Variants in TMEM72 observed in about 807,000 individuals in gnomAD.
TMEM72 encodes transmembrane protein 72.
In TMEM72, 9 loss-of-function variants were observed where a neutral mutation model predicts 16.3. The ratio of observed to expected loss-of-function variants is 0.55; its 90% confidence interval spans 0.33 to 0.96. The LOEUF (loss-of-function observed/expected upper bound fraction) is 0.96, where lower values mean the gene tolerates loss of function less well. TMEM72 is among the 40% of genes least tolerant of loss of function. The probability of loss-of-function intolerance (pLI) is 0.03; values close to 1 mark genes in which losing one functional copy is unlikely to be tolerated. For missense variants in TMEM72, 324 were observed against 337.8 expected (o/e 0.96, Z 0.32); for synonymous variants, 160 against 146.5 (o/e 1.09, Z -0.66).
intron 3 of TMEM72, among the ~76,000 whole-genome samples, chr10:44,932,984 C>T (rs1016744524): frequency 3.3e-5 from 5 of 152,202 alleles, no homozygotes; most frequent in Admixed American, 6.5e-5. Flanking sequence ...CAGGATGTGG[C>T]TGTGTAGAGC....
At chr10:44,918,921 T>C (rs6593450) in intron 1 of TMEM72, among the ~76,000 whole-genome samples, 118,907 of 152,000 alleles carry the variant, frequency 0.78, 47,275 homozygotes, top group African/African-American at 0.88. Context: ...TCTGCCAGCA[T>C]CTTGATCTTG....
chr10:44,912,246 C>A (rs771808863), intron 1 of TMEM72, among the ~76,000 whole-genome samples: 1 of 152,198 alleles, frequency 6.6e-6, no homozygotes, highest in Non-Finnish European at 1.5e-5. Context: ...AATCACAGGG[C>A]TGCTCAACTG....
At chr10:44,924,496 G>A (rs1840153124) in intron 1 of TMEM72, among the ~76,000 whole-genome samples, 1 of 150,870 alleles carries the variant, frequency 6.6e-6, no homozygotes, top group South Asian at 2.1e-4. Context: ...CAGAAGACCA[G>A]GTGGGCCTCG....
At chr10:44,911,628 C>G (rs1839939351) in intron 1 of TMEM72, 46 bp downstream of exon 1, 1 of 1,543,136 alleles carries the variant, frequency 6.5e-7, no homozygotes, top group Non-Finnish European at 8.7e-7. Context: ...ACTGGCACCA[C>G]AGATAGGGCT....
chr10:44,926,369 C>T (rs1242659990), intron 1 of TMEM72, among the ~76,000 whole-genome samples: 1 of 152,164 alleles, frequency 6.6e-6, no homozygotes, highest in African/African-American at 2.4e-5. Flanking sequence ...GAGTGAACTA[C>T]ACAGGCCACT....
At chr10:44,922,334 C>T (rs1840113844) in intron 1 of TMEM72, among the ~76,000 whole-genome samples, 1 of 152,152 alleles carries the variant, frequency 6.6e-6, no homozygotes. Context: ...TCATTCAAGC[C>T]CCCACTAAAT....
chr10:44,925,415 C>T (rs1840170372), intron 1 of TMEM72, among the ~76,000 whole-genome samples: 1 of 152,240 alleles, frequency 6.6e-6, no homozygotes, highest in African/African-American at 2.4e-5. Context: ...CATGACGTGT[C>T]ACGTAAGTGG....
intron 1 of TMEM72, among the ~76,000 whole-genome samples, 193 bp downstream of exon 1, chr10:44,911,775 G>A (rs948066692): frequency 1.3e-5 from 2 of 152,314 alleles, no homozygotes; most frequent in South Asian, 2.1e-4. Flanking sequence ...TAGGGCTGGG[G>A]ACCAGAGGGC....
intron 1 of TMEM72, among the ~76,000 whole-genome samples, chr10:44,918,701 G>A (rs527441312): frequency 6.6e-6 from 1 of 152,208 alleles, no homozygotes; most frequent in African/African-American, 2.4e-5. Context: ...CATGTGTTAT[G>A]GACTAAATGT....
At position 44,935,128 on chromosome 10, in the gene TMEM72, G is replaced by A. The variant is rs200252955; in HGVS notation, c.822G>A (p.Leu274=). 2 of 1,578,228 alleles carry A rather than the reference G, an allele frequency of 1.3e-6. No individual in the cohort carries two copies. Among genetic ancestry groups the A allele is most frequent in the Non-Finnish European group, 1.7e-6 (2 of 1,161,818 alleles). ...TGTCATCTCTTACAGCCACCGGCCT[G>A]TTCTGAGCGCTTGCTCCAGCCTGGA... ...LFLSSLTATG[L]F is the part of the protein sequence containing the mutation. The change falls in exon 5 of 5, where the codon CTG becomes CTA. Residue 274 remains leucine, a synonymous_variant. Coordinates refer to ENST00000389583, the MANE Select transcript of TMEM72 (RefSeq NM_001123376.3).
chr10:44,933,769 C>G lies in TMEM72; in HGVS notation c.342C>G (p.Thr114=), dbSNP rs1394810546. 6.2e-7 allele frequency: 1 copy of G among 1,613,760 alleles called. No homozygotes were observed. Among genetic ancestry groups the G allele is most frequent in the South Asian group, 1.1e-5 (1 of 91,058 alleles). The part of the protein sequence containing the change: ...FLHPVLVWHV[T]IPGSMLIITG... ...ACCCGGTCCTGGTCTGGCACGTGAC[C>G]ATCCCAGGTAAGAGCACAGGGGTAG... The change falls in exon 4 of 5, where the codon ACC becomes ACG. Residue 114 remains threonine, a synonymous_variant. Transcript: ENST00000389583.
rs368153016 is a variant in TMEM72, at chr10:44,935,101, C to T, written c.795C>T (p.Phe265=). 11 of 1,606,136 alleles carry T rather than the reference C, an allele frequency of 6.8e-6. No individual in the cohort carries two copies. The highest frequency in any genetic ancestry group is 9.4e-6 in the Non-Finnish European group (11 of 1,176,220). The change falls in exon 5 of 5, where the codon TTC becomes TTT. Residue 265 remains phenylalanine (F), a synonymous_variant. Transcript: ENST00000389583. ...TTCCCCCTCCCCAGGCCCCACTCTT[C>T]CTGTCATCTCTTACAGCCACCGGCC... ...PIIPPPQAPL[F]LSSLTATGLF is the part of the protein sequence containing the mutation.
At position 44,933,865 on chromosome 10, in the gene TMEM72, G is replaced by A. The variant is rs1840347639; in HGVS notation, c.349+89G>A. On this transcript the variant is annotated intron_variant, in intron 4 of 4. Coordinates refer to ENST00000389583, the MANE Select transcript of TMEM72 (RefSeq NM_001123376.3). ...AGCCCCTCAAAGTCTAGCTCCAGTG[G>A]TGGCTCCAGGGACCTTACCTGCCCC... The A allele has an allele frequency of 4.1e-6, 6 of 1,461,762 alleles. No individual in the cohort carries two copies. In the South Asian group the frequency reaches 8.4e-5, roughly 20 times the overall value. 90.5% of individuals were successfully genotyped at this position (1,461,762 alleles called of 1,614,324 possible). A position where few individuals can be genotyped will look rare whatever the true frequency, so the allele number is the denominator to read the frequency against.
intron 1 of TMEM72, chr10:44,919,893 C>T (rs1589040636): frequency 6.6e-6 from 1 of 152,254 alleles, no homozygotes; most frequent in Non-Finnish European, 1.5e-5. Flanking sequence ...TTTGCCACAA[C>T]TTCTGAGCTA....
intron 1 of TMEM72, among the ~76,000 whole-genome samples, chr10:44,925,964 C>T (rs1406569155): frequency 6.6e-6 from 1 of 151,816 alleles, no homozygotes; most frequent in African/African-American, 2.4e-5. Context: ...CACTCACACA[C>T]ATATATGCAC....
In TMEM72 at chr10:44,932,069, A is replaced by G; in HGVS notation, c.209A>G (p.Gln70Arg). The G allele has an allele frequency of 6.2e-7, 1 of 1,612,566 alleles. No homozygotes were observed. Among genetic ancestry groups the G allele is most frequent in the South Asian group, 1.1e-5 (1 of 90,622 alleles). ...GCTCAGCTGCTGGCCATCTGCTTCC[A>G]GTAAGTAGTTTCCAGAGAGACCCCT... ...FVAQLLAICFQCQPGSLADRV... is the reference protein window; with the variant it reads ...FVAQLLAICFRCQPGSLADRV... The change falls in exon 3 of 5, where the codon CAG (glutamine) becomes CGG (arginine). Residue 70 changes from glutamine (Q) to arginine (R), a missense_variant and splice_region_variant. By Grantham distance (43) the Gln-to-Arg change is conservative (BLOSUM62 1). Coordinates refer to ENST00000389583, the MANE Select transcript of TMEM72 (RefSeq NM_001123376.3).
In TMEM72 at chr10:44,921,448, C is replaced by T. The variant is rs1840097250; in HGVS notation, c.71-6473C>T. On this transcript the variant is annotated intron_variant, in intron 1 of 4. Coordinates refer to ENST00000389583, the MANE Select transcript of TMEM72 (RefSeq NM_001123376.3). Reference sequence around the variant, plus strand: ...AAGACAGCACAGCCGGACTGAAGCACATCTCAGGGCGATTATTTCTTGTAG... The same window carrying T: ...AAGACAGCACAGCCGGACTGAAGCATATCTCAGGGCGATTATTTCTTGTAG... Among the ~76,000 whole-genome samples the T allele has an allele frequency of 2.6e-5, 4 of 152,354 alleles. No individual in the cohort carries two copies. In the South Asian group the frequency reaches 8.3e-4, roughly 32 times the overall value.
intron 3 of TMEM72, 55 bp from the exon 4 acceptor site, chr10:44,933,582 T>G (rs1840340822): frequency 6.4e-7 from 1 of 1,573,002 alleles, no homozygotes; most frequent in Admixed American, 1.7e-5. Flanking sequence ...TGGCATCCAG[T>G]CTTGCTGGGG....
chr10:44,927,878 G>A lies in TMEM72; in HGVS notation c.71-43G>A, dbSNP rs984136858. 5.7e-6 allele frequency: 9 copies of A among 1,589,998 alleles called. No individual in the cohort carries two copies. The African/African-American group carries it at 1.0e-4, about 18-fold the overall frequency. Reference sequence around the variant, plus strand: ...ACCCTCAACAGGGCAGTGCTGTGGTGTAGAGCACCAGGCCCACTCTTCCTT... The same window carrying A: ...ACCCTCAACAGGGCAGTGCTGTGGTATAGAGCACCAGGCCCACTCTTCCTT... On this transcript the variant is annotated intron_variant, in intron 1 of 4. Coordinates refer to ENST00000389583, the MANE Select transcript of TMEM72 (RefSeq NM_001123376.3).
Sources: allele counts gnomAD v4.1 joint callset (sites outside exome capture counted in the v4.1 genomes callset), GRCh38; gene constraint gnomAD v4.1.1; transcripts MANE v1.5; gene names NCBI Gene and HGNC (gene_info 2026-07-23, HGNC 2026-07-21).